STK32B: variants seen among roughly 807,000 people sequenced by gnomAD.
The protein encoded by STK32B is serine/threonine-protein kinase 32B.
A neutral mutation model predicts 52.6 loss-of-function variants in STK32B; 43 were observed. The observed-to-expected ratio is 0.82, with a 90% CI of 0.64 to 1.05. The LOEUF (loss-of-function observed/expected upper bound fraction) is 1.05. Among genes scored for constraint, STK32B ranks in the 50% least tolerant of loss-of-function variants. The pLI is 0.00. For synonymous variants in STK32B, 238 were observed against 204.3 expected (o/e 1.17, Z -1.41); for missense variants, 621 against 534.6 (o/e 1.16, Z -1.59).
chr4:5,396,794 G>A lies in STK32B; in HGVS notation c.435-1413G>A, dbSNP rs1736948477. The stretch of plus-strand genomic sequence containing the variant: ...ATCTTTTGTTGAGAAACCCTGCTGG[G>A]AGCCACCCTGGGCAGGGACCAAGCA... On this transcript the variant is annotated intron_variant, in intron 4 of 11. Coordinates refer to ENST00000282908, the MANE Select transcript of STK32B (RefSeq NM_018401.3). This position sits in a 1 kb window ranked among gnomAD's most constrained non-coding sequence, Gnocchi z 4.7. 6.6e-6 allele frequency among the ~76,000 whole-genome samples: 1 copy of A among 152,106 alleles called. No individual in the cohort carries two copies. Among genetic ancestry groups the A allele is most frequent in the Non-Finnish European group, 1.5e-5 (1 of 68,022 alleles).
the STK32B span, among the ~76,000 whole-genome samples, chr4:5,029,213 G>A: frequency 1.3e-5 from 2 of 152,192 alleles, no homozygotes; most frequent in African/African-American, 4.8e-5. Context: ...TGAGTTGGGG[G>A]TAGGCCTATG....
rs1032264264 is a variant in STK32B, at chr4:5,140,069, G to A, written c.108+109G>A. 1.0e-5 allele frequency: 15 copies of A among 1,495,950 alleles called. No homozygotes were observed. In the African/African-American group the frequency reaches 1.2e-4, roughly 12 times the overall value. The allele number at this position is 1,495,950 out of a possible 1,614,324, so 92.7% of individuals were successfully genotyped here. On this transcript the variant is annotated intron_variant, in intron 2 of 11. Coordinates refer to ENST00000282908, the MANE Select transcript of STK32B (RefSeq NM_018401.3). The stretch of plus-strand genomic sequence containing the variant: ...ATGTTCTGTTTGACAGTAAGATTTC[G>A]ACTTGACAAACTTGAAATGTGAAAG...
chr4:5,392,078 A>G (rs150820374), intron 4 of STK32B, among the ~76,000 whole-genome samples: 59 of 152,300 alleles, frequency 3.9e-4, no homozygotes, highest in Middle Eastern at 3.4e-3. Flanking sequence ...AAGAAATGCA[A>G]TCTTGCATGT....
intron 1 of STK32B, among the ~76,000 whole-genome samples, chr4:5,099,457 C>CGCGTGCGCGCGCACACGT (rs111463206): frequency 6.8e-6 from 1 of 146,174 alleles, no homozygotes; most frequent in Non-Finnish European, 1.5e-5. Flanking sequence ...TGTGCGCGCG[C>CGCGTGCGCGCGCACACGT]GCGTATGTGA....
At chr4:5,243,847 T>G (rs1725233324) in intron 3 of STK32B, among the ~76,000 whole-genome samples, 2 of 152,216 alleles carry the variant, frequency 1.3e-5, no homozygotes, top group Admixed American at 1.3e-4. Context: ...CATGTGGTTT[T>G]TGTCTTTGGT....
At position 5,314,057 on chromosome 4, in the gene STK32B, A is replaced by G. The variant is rs374857549; in HGVS notation, c.261-17163A>G. On this transcript the variant is annotated intron_variant, in intron 3 of 11. Coordinates refer to ENST00000282908, the MANE Select transcript of STK32B (RefSeq NM_018401.3). ...AGTCCAAGAAAAGTTTTTTGCAGAC[A>G]TAGACAAACTTATTTTAAAATTAAT... 3.8e-4 allele frequency among the ~76,000 whole-genome samples: 58 copies of G among 152,308 alleles called. No homozygotes were observed. The Middle Eastern group carries it at 0.014, about 36-fold the overall frequency.
At chr4:5,218,531 G>C (rs528349495) in intron 3 of STK32B, among the ~76,000 whole-genome samples, 5 of 152,312 alleles carry the variant, frequency 3.3e-5, no homozygotes, top group East Asian at 3.9e-4. Context: ...TAGCCTGAAA[G>C]GGGGAGGACA....
At chr4:5,265,596 C>G (rs563672529) in intron 3 of STK32B, among the ~76,000 whole-genome samples, 1 of 152,322 alleles carries the variant, frequency 6.6e-6, no homozygotes, top group South Asian at 2.1e-4. Flanking sequence ...ACACCAAGAA[C>G]AGCAAGATGT....
the STK32B span, among the ~76,000 whole-genome samples, chr4:5,043,092 G>A: frequency 1.2e-4 from 15 of 126,562 alleles, no homozygotes; most frequent in African/African-American, 3.7e-4. Context: ...CGGCCTGGGC[G>A]ACAGAGCGAG....
At chr4:5,446,893 C>T in intron 7 of STK32B, 117 bp downstream of exon 7, 2 of 936,166 alleles carry the variant, frequency 2.1e-6, no homozygotes, top group South Asian at 1.5e-5. Context: ...GGGGGAGTCA[C>T]TGCCCCCCAG....
At chr4:5,372,723 G>GC (rs1560361695) in intron 4 of STK32B, among the ~76,000 whole-genome samples, 1 of 150,114 alleles carries the variant, frequency 6.7e-6, no homozygotes, top group East Asian at 2.0e-4. Flanking sequence ...AGAAAGTTGG[G>GC]GGGGGGGGCG....
chr4:5,101,565 T>C (rs924735023), intron 1 of STK32B, among the ~76,000 whole-genome samples: 2 of 152,198 alleles, frequency 1.3e-5, no homozygotes, highest in Admixed American at 6.5e-5. Context: ...ATTATTCCTT[T>C]ATCATTTTTT....
At chr4:5,203,009 T>A (rs1404744336) in intron 3 of STK32B, among the ~76,000 whole-genome samples, 1 of 152,234 alleles carries the variant, frequency 6.6e-6, no homozygotes, top group Non-Finnish European at 1.5e-5. Flanking sequence ...AGGGCTTGGA[T>A]GTTGCCAGAT....
intron 5 of STK32B, among the ~76,000 whole-genome samples, chr4:5,412,144 C>T (rs536811873): frequency 3.3e-5 from 5 of 152,036 alleles, no homozygotes; most frequent in African/African-American, 9.7e-5. Flanking sequence ...CCTGGGAGCA[C>T]GGTTATTGAT....
intron 3 of STK32B, among the ~76,000 whole-genome samples, chr4:5,259,161 C>G (rs557742445): frequency 6.6e-6 from 1 of 152,242 alleles, no homozygotes; most frequent in East Asian, 1.9e-4. Context: ...ACCCACACAC[C>G]TCCTCTATTT....
intron 1 of STK32B, among the ~76,000 whole-genome samples, chr4:5,092,057 G>T (rs909355923): frequency 6.6e-6 from 1 of 152,194 alleles, no homozygotes; most frequent in Admixed American, 6.5e-5. Context: ...AATTGAGAGT[G>T]ACTGCTAACA....
chr4:5,336,112 A>C (rs1732663808), intron 4 of STK32B, among the ~76,000 whole-genome samples: 1 of 148,166 alleles, frequency 6.7e-6, no homozygotes, highest in Admixed American at 6.9e-5. Flanking sequence ...CTGTACTAAC[A>C]ATGGCAATGT....
intron 1 of STK32B, among the ~76,000 whole-genome samples, chr4:5,084,333 T>TC (rs1361405361): frequency 6.6e-6 from 1 of 152,216 alleles, no homozygotes; most frequent in Non-Finnish European, 1.5e-5. Flanking sequence ...CTGCCAAACT[T>TC]CTGTATTACA....
intron 4 of STK32B, among the ~76,000 whole-genome samples, chr4:5,374,381 A>G (rs1159583360): frequency 6.6e-6 from 1 of 152,230 alleles, no homozygotes; most frequent in Non-Finnish European, 1.5e-5. Flanking sequence ...TGTTTCAAAA[A>G]GACGCTTCAC....
Sources: gnomAD v4.1 joint callset for allele counts (sites outside exome capture counted in the v4.1 genomes callset) on GRCh38, gnomAD v4.1.1 for gene constraint, Gnocchi (gnomAD v3.1) non-coding constraint, MANE v1.5 for transcripts, NCBI Gene and HGNC (gene_info 2026-07-23, HGNC 2026-07-21) for gene names.